MARCHF1: variants seen among roughly 807,000 people sequenced by gnomAD.
MARCHF1 encodes membrane associated ring-CH-type finger 1.
Under a neutral mutation model 54.2 loss-of-function variants are expected in MARCHF1, and 40 were observed. The observed-to-expected ratio is 0.74, with a 90% CI of 0.57 to 0.96. MARCHF1 has a LOEUF of 0.96. Among genes scored for constraint, MARCHF1 ranks in the 40% least tolerant of loss-of-function variants. The pLI, the probability that MARCHF1 is intolerant of heterozygous loss-of-function variation, is 0.00. For missense variants in MARCHF1, 586 were observed against 656.5 expected, an observed-to-expected ratio of 0.89 and a Z score of 1.17; for synonymous variants, 236 against 236.3, an observed-to-expected ratio of 1.00 and a Z score of 0.01.
In MARCHF1 at chr4:163,612,487, T is replaced by C. The variant is rs762332595; in HGVS notation, c.794A>G (p.Lys265Arg). 7 of 1,535,258 alleles carry C rather than the reference T, an allele frequency of 4.6e-6. No homozygotes were observed. The South Asian group carries it at 8.3e-5, about 18-fold the overall frequency. The part of the protein sequence containing the change: ...KRSSRNHEKS[K>R]GRYHHRDPQL... ...AGGATCTCTGTGGTGATATCTGCCT[T>C]TGCTCTTCTCATGATTCCTTGAGGA... The change falls in exon 7 of 10, where the codon AAA becomes AGA. Residue 265 changes from lysine (K) to arginine (R), a missense_variant. Physicochemically the swap from Lys to Arg is conservative, Grantham distance 26. This residue lies in a region of MARCHF1 where 387 missense variants were observed against 394.6 expected (regional missense o/e 0.98). Coordinates refer to ENST00000514618, the MANE Select transcript of MARCHF1 (RefSeq NM_001394959.1).
At chr4:164,092,685 T>C (rs1755330057) in intron 2 of MARCHF1, among the ~76,000 whole-genome samples, 1 of 152,114 alleles carries the variant, frequency 6.6e-6, no homozygotes, top group South Asian at 2.1e-4. Context: ...TAATGTTTTC[T>C]CCAAGAGATA....
chr4:164,340,769 G>A (rs904874569), intron 1 of MARCHF1, among the ~76,000 whole-genome samples: 4 of 151,478 alleles, frequency 2.6e-5, no homozygotes, highest in African/African-American at 9.7e-5. Flanking sequence ...TGTTGCCCAG[G>A]GTGGCCTCAA....
At chr4:163,714,614 T>C (rs1579219040) in intron 4 of MARCHF1, among the ~76,000 whole-genome samples, 1 of 152,242 alleles carries the variant, frequency 6.6e-6, no homozygotes, top group East Asian at 1.9e-4. Flanking sequence ...CATATTAGCA[T>C]AGTCATTCTT....
chr4:163,703,651 C>A (rs1453391524), intron 4 of MARCHF1, among the ~76,000 whole-genome samples: 1 of 152,098 alleles, frequency 6.6e-6, no homozygotes, highest in Non-Finnish European at 1.5e-5. Context: ...GAGTTCCTAA[C>A]AAGTCTGCGT....
intron 3 of MARCHF1, among the ~76,000 whole-genome samples, chr4:163,900,583 C>T (rs1167589138): frequency 6.6e-6 from 1 of 152,042 alleles, no homozygotes; most frequent in African/African-American, 2.4e-5. Flanking sequence ...TGATGTAAAC[C>T]TAATATGTAA....
intron 1 of MARCHF1, among the ~76,000 whole-genome samples, chr4:164,301,131 G>T (rs918388909): frequency 2.0e-5 from 3 of 152,086 alleles, no homozygotes; most frequent in African/African-American, 7.2e-5. Flanking sequence ...TTAATATGGT[G>T]AAAACGAGAG....
chr4:163,871,809 T>C (rs1750175774), intron 3 of MARCHF1, among the ~76,000 whole-genome samples: 1 of 152,160 alleles, frequency 6.6e-6, no homozygotes, highest in African/African-American at 2.4e-5. Flanking sequence ...CTTCATTTGT[T>C]AATATTTGAT....
At chr4:163,570,573 G>A (rs941912649) in intron 8 of MARCHF1, among the ~76,000 whole-genome samples, 6 of 151,928 alleles carry the variant, frequency 3.9e-5, no homozygotes, top group Non-Finnish European at 7.4e-5. Context: ...GTATTTTACC[G>A]TATCCCATTA....
intron 4 of MARCHF1, among the ~76,000 whole-genome samples, chr4:163,778,086 A>G (rs1747355312): frequency 6.6e-6 from 1 of 152,174 alleles, no homozygotes; most frequent in Admixed American, 6.5e-5. Context: ...ATGTTGTTGC[A>G]TTTAGCAATA....
In MARCHF1 at chr4:163,613,319, G is replaced by C; in HGVS notation, c.237C>G (p.Ile79Met). 1.2e-6 allele frequency: 2 copies of C among 1,609,916 alleles called. No homozygotes were observed. The highest frequency in any genetic ancestry group is 4.5e-5 in the East Asian group (2 of 44,834). ...ATAATTTGTTCAGCACTTACCTGCA[G>C]ATGTCCTGAGTGGATGGACAGACAG... The part of the protein sequence containing the change: ...RLSVCPSTQD[I>M]CRSAILHDMS... Residue 79 changes from isoleucine (I) to methionine (M), a missense_variant, in exon 6 of 10, where the codon ATC becomes ATG. By Grantham distance (10) the Ile-to-Met change is conservative. Around this residue, in one of 3 missense-constraint regions of MARCHF1, gnomAD observed 387 missense variants for 394.6 expected, o/e 0.98. Coordinates refer to ENST00000514618, the MANE Select transcript of MARCHF1 (RefSeq NM_001394959.1).
chr4:163,754,449 C>T (rs929055828), intron 4 of MARCHF1, among the ~76,000 whole-genome samples: 58 of 152,092 alleles, frequency 3.8e-4, no homozygotes, highest in Non-Finnish European at 7.9e-4. Flanking sequence ...GTGAAATTTG[C>T]AAGAATAGAC....
At position 164,040,225 on chromosome 4, in the gene MARCHF1, G is replaced by A. The variant is rs191293849; in HGVS notation, c.-247-51516C>T. Reference sequence around the variant, plus strand: ...CATTGTATATATATTTATACTATATGTACACATGTATATACTTATATATAC... The same window carrying A: ...CATTGTATATATATTTATACTATATATACACATGTATATACTTATATATAC... On this transcript the variant is annotated intron_variant, in intron 2 of 9. Transcript: ENST00000514618. Among the ~76,000 whole-genome samples the A allele has an allele frequency of 4.6e-3, 656 of 142,472 alleles. 5 individuals are homozygous for A. Among genetic ancestry groups the A allele is most frequent in the African/African-American group, 0.016 (625 of 39,348 alleles). The allele number at this position is 142,472 out of a possible 152,430, so 93.5% of individuals were successfully genotyped here. A position where few individuals can be genotyped will look rare whatever the true frequency, so the allele number is the denominator to read the frequency against.
chr4:163,759,921 T>G (rs1746783106), intron 4 of MARCHF1, among the ~76,000 whole-genome samples: 1 of 152,210 alleles, frequency 6.6e-6, no homozygotes, highest in South Asian at 2.1e-4. Flanking sequence ...ATCACTCATT[T>G]TGTTCTGATA....
intron 3 of MARCHF1, among the ~76,000 whole-genome samples, chr4:163,921,572 T>C (rs550154915): frequency 3.3e-5 from 5 of 152,244 alleles, no homozygotes; most frequent in Admixed American, 1.3e-4. Context: ...TCTAGTAAGA[T>C]AGCAATAGTA....
chr4:164,006,348 C>G (rs1753287714), intron 2 of MARCHF1, among the ~76,000 whole-genome samples: 1 of 151,692 alleles, frequency 6.6e-6, no homozygotes, highest in Non-Finnish European at 1.5e-5. Flanking sequence ...TAGAGGCTCT[C>G]AACAGTAGAG....
At chr4:164,041,815 T>A (rs6852063) in intron 2 of MARCHF1, among the ~76,000 whole-genome samples, 6 of 151,986 alleles carry the variant, frequency 3.9e-5, no homozygotes, top group African/African-American at 9.7e-5. Flanking sequence ...AGCATTGATC[T>A]AAAGATGCAT....
At chr4:163,783,275 G>A (rs1747522892) in intron 4 of MARCHF1, among the ~76,000 whole-genome samples, 1 of 152,176 alleles carries the variant, frequency 6.6e-6, no homozygotes. Flanking sequence ...AAATGACAGA[G>A]GCAATATTTC....
intron 3 of MARCHF1, among the ~76,000 whole-genome samples, chr4:163,894,011 C>T (rs1750721486): frequency 1.3e-5 from 2 of 152,178 alleles, no homozygotes; most frequent in Non-Finnish European, 2.9e-5. Flanking sequence ...TTCAAGCTCA[C>T]TTTATGACAC....
At chr4:163,604,079 G>T (rs946046778) in intron 7 of MARCHF1, among the ~76,000 whole-genome samples, 1 of 151,916 alleles carries the variant, frequency 6.6e-6, no homozygotes, top group Admixed American at 6.6e-5. Flanking sequence ...ATTGAACATT[G>T]CTAGTCACAG....
Sources: allele counts gnomAD v4.1 joint callset (sites outside exome capture counted in the v4.1 genomes callset), GRCh38; gene constraint gnomAD v4.1.1; regional missense constraint gnomAD v4.1.1; transcripts MANE v1.5; gene names NCBI Gene and HGNC (gene_info 2026-07-23, HGNC 2026-07-21).